The following ADGRB3 variants were observed in gnomAD, a reference collection of about 807,000 sequenced individuals.
ADGRB3 encodes adhesion G protein-coupled receptor B3, also known as brain-specific angiogenesis inhibitor 3.
A neutral mutation model predicts 193.4 loss-of-function variants in ADGRB3; 37 were observed. The ratio of observed to expected loss-of-function variants is 0.19; its 90% CI spans 0.15 to 0.25. The LOEUF is 0.25. Ranked by LOEUF, ADGRB3 falls within the 10% of genes least tolerant of loss-of-function variation. The probability of loss-of-function intolerance (pLI) is 1.00; values close to 1 mark genes in which losing one functional copy is unlikely to be tolerated. For missense variants in ADGRB3, 1,637 were observed against 1,852.9 expected (o/e 0.88, Z 2.14); for synonymous variants, 690 against 644.2 (o/e 1.07, Z -1.08).
intron 10 of ADGRB3, 73 bp downstream of exon 10, chr6:68,975,413 T>G: frequency 8.7e-7 from 1 of 1,151,040 alleles, no homozygotes; most frequent in South Asian, 1.4e-5. Flanking sequence ...GAATTTAACC[T>G]TCTGCTGTAC....
chr6:69,094,539 G>A (rs1033401201), intron 17 of ADGRB3, among the ~76,000 whole-genome samples: 18 of 152,114 alleles, frequency 1.2e-4, no homozygotes, highest in African/African-American at 3.9e-4. Flanking sequence ...GCACCCAGAG[G>A]ATGAAAGATT....
intron 12 of ADGRB3, among the ~76,000 whole-genome samples, chr6:69,014,623 G>T (rs1770036176): frequency 6.6e-6 from 1 of 151,896 alleles, no homozygotes; most frequent in Non-Finnish European, 1.5e-5. Flanking sequence ...AACCTTGTTG[G>T]TTTAGATATT....
intron 15 of ADGRB3, among the ~76,000 whole-genome samples, chr6:69,061,466 A>G (rs1213356747): frequency 1.3e-5 from 2 of 152,080 alleles, no homozygotes; most frequent in Non-Finnish European, 2.9e-5. Flanking sequence ...AGAAAACAAT[A>G]TGGGAGTAAC....
chr6:68,946,319 C>G (rs948157145), intron 6 of ADGRB3, among the ~76,000 whole-genome samples: 9 of 152,062 alleles, frequency 5.9e-5, no homozygotes. Flanking sequence ...AACTCAGGCA[C>G]CTTCACTGGG....
intron 17 of ADGRB3, among the ~76,000 whole-genome samples, chr6:69,125,821 A>C (rs1773835602): frequency 6.6e-6 from 1 of 152,190 alleles, no homozygotes; most frequent in Admixed American, 6.5e-5. Flanking sequence ...CCCACTTTGA[A>C]GGCAATTTGT....
intron 3 of ADGRB3, among the ~76,000 whole-genome samples, chr6:68,904,472 G>T (rs1482667318): frequency 2.6e-5 from 4 of 152,116 alleles, no homozygotes; most frequent in Admixed American, 6.6e-5. Context: ...TTGCTACAAA[G>T]ACGTAACCAA....
intron 13 of ADGRB3, among the ~76,000 whole-genome samples, chr6:69,031,241 C>T (rs1399890535): frequency 6.6e-6 from 1 of 151,194 alleles, no homozygotes; most frequent in African/African-American, 2.4e-5. Flanking sequence ...GAGATCGAGA[C>T]CATCCTGGCT....
intron 3 of ADGRB3, among the ~76,000 whole-genome samples, chr6:68,915,813 C>T (rs982948715): frequency 3.3e-5 from 5 of 151,772 alleles, no homozygotes; most frequent in Admixed American, 6.6e-5. Flanking sequence ...TGGCACATAC[C>T]GCACAGGTGT....
chr6:69,031,063 T>TCTC (rs1729072099), intron 13 of ADGRB3, among the ~76,000 whole-genome samples: 1 of 46,074 alleles, frequency 2.2e-5, no homozygotes, highest in African/African-American at 7.1e-5. Flanking sequence ...TCTCTTCTCT[T>TCTC]CTCTTCTCTT....
At chr6:69,273,466 T>C (rs970336730) in intron 20 of ADGRB3, among the ~76,000 whole-genome samples, 1 of 152,174 alleles carries the variant, frequency 6.6e-6, no homozygotes, top group African/African-American at 2.4e-5. Flanking sequence ...GATCTGGAAA[T>C]CCTTTGTGTT....
rs184375678 is a variant in ADGRB3, at chr6:69,015,865, A to G, written c.1998+1759A>G. Among the ~76,000 whole-genome samples the G allele has an allele frequency of 4.6e-5, 7 of 152,058 alleles. No individual in the cohort carries two copies. The East Asian group carries it at 5.8e-4, about 13-fold the overall frequency. On this transcript the variant is annotated intron_variant, in intron 12 of 31. Transcript: ENST00000370598. ...AAGTTAAAAAAAAAAACTACATTCT[A>G]TAGAGCACCACTTTACACCCTACCC...
chr6:68,828,426 A>T (rs573335465), intron 3 of ADGRB3, among the ~76,000 whole-genome samples: 1 of 152,288 alleles, frequency 6.6e-6, no homozygotes, highest in African/African-American at 2.4e-5. Context: ...GGAACCTTTA[A>T]TGGTGATTCT....
chr6:68,790,678 G>A (rs990257859), intron 3 of ADGRB3, among the ~76,000 whole-genome samples: 2 of 152,080 alleles, frequency 1.3e-5, no homozygotes, highest in African/African-American at 4.8e-5. Flanking sequence ...AGGTAAACAG[G>A]GTCTGGAGTG....
rs549276715 is a variant in ADGRB3 at position 69,147,479 on chromosome 6, AG to A, written c.2480+71442del. Among the ~76,000 whole-genome samples, 57 of 152,222 alleles carry A rather than the reference AG, an allele frequency of 3.7e-4. 1 individual carries two copies. In the East Asian group the frequency reaches 8.9e-3, roughly 24 times the overall value. On this transcript the variant is annotated intron_variant, in intron 17 of 31. Coordinates refer to ENST00000370598, the MANE Select transcript of ADGRB3 (RefSeq NM_001704.3). ...AACATTCCTCTTGTTATTTATTTCT[AG>A]TTTAATTCCATTGTGATCAGAGAAG...
chr6:68,696,387 G>A (rs1023681208), intron 3 of ADGRB3, among the ~76,000 whole-genome samples: 39 of 150,976 alleles, frequency 2.6e-4, no homozygotes, highest in African/African-American at 7.3e-4. Flanking sequence ...ATAGTTTCCT[G>A]TATTTTTGAA....
intron 3 of ADGRB3, among the ~76,000 whole-genome samples, chr6:68,830,482 G>A (rs887434475): frequency 1.4e-4 from 21 of 152,152 alleles, no homozygotes; most frequent in East Asian, 7.7e-4. Flanking sequence ...TGGCAATAAT[G>A]TTTTTTAGTT....
chr6:68,702,104 G>C (rs1173918716), intron 3 of ADGRB3, among the ~76,000 whole-genome samples: 1 of 152,022 alleles, frequency 6.6e-6, no homozygotes, highest in Admixed American at 6.6e-5. Flanking sequence ...AGCCCTACAG[G>C]AAGTATAGCA....
intron 3 of ADGRB3, among the ~76,000 whole-genome samples, chr6:68,871,737 A>G (rs1040107732): frequency 7.9e-5 from 12 of 152,152 alleles, no homozygotes; most frequent in African/African-American, 2.7e-4. Flanking sequence ...TCTGACAAAA[A>G]GGGCTTTAAA....
rs913700582 is a variant in ADGRB3 at position 68,952,312 on chromosome 6, A to T, written c.1196-3712A>T. ...CAATGTCTCATATTTGACACTAAAA[A>T]TTATATATATACATAAAATGTCTGT... On this transcript the variant is annotated intron_variant, in intron 6 of 31. Transcript: ENST00000370598. Among the ~76,000 whole-genome samples, 153 of 152,222 alleles carry T rather than the reference A, an allele frequency of 1.0e-3. 2 individuals are homozygous for T. Among genetic ancestry groups the T allele is most frequent in the African/African-American group, 3.5e-3 (145 of 41,558 alleles).
Sources: allele counts gnomAD v4.1 joint callset (sites outside exome capture counted in the v4.1 genomes callset), GRCh38; gene constraint gnomAD v4.1.1; transcripts MANE v1.5; gene names NCBI Gene and HGNC (gene_info 2026-07-23, HGNC 2026-07-21).